CYFIP2: variants seen among roughly 807,000 people sequenced by gnomAD.
CYFIP2 encodes the protein cytoplasmic FMR1-interacting protein 2.
Under a neutral mutation model 158.7 loss-of-function variants are expected in CYFIP2, and 29 were observed. The ratio of observed to expected loss-of-function variants is 0.18; its 90% CI spans 0.14 to 0.25. The LOEUF (loss-of-function observed/expected upper bound fraction) is 0.25, where lower values mean the gene tolerates loss of function less well. CYFIP2 is among the 10% of genes least tolerant of loss of function. The probability of loss-of-function intolerance (pLI) is 1.00; values close to 1 mark genes in which losing one functional copy is unlikely to be tolerated. For missense variants in CYFIP2, 852 were observed against 1,639.5 expected (o/e 0.52, Z 8.29); for synonymous variants, 585 against 617.6 (o/e 0.95, Z 0.78).
intron 26 of CYFIP2, chr5:157,377,083 C>A (rs1339424397): frequency 6.4e-6 from 2 of 313,286 alleles, no homozygotes; most frequent in Non-Finnish European, 1.3e-5. Context: ...ATCTCCTTTG[C>A]CGCTACTCCT....
At chr5:157,329,626 A>G (rs764309792) in intron 19 of CYFIP2, among the ~76,000 whole-genome samples, 2 of 152,222 alleles carry the variant, frequency 1.3e-5, no homozygotes, top group Admixed American at 6.5e-5. Context: ...TAATTTTAAT[A>G]ATATATTTTA....
chr5:157,286,988 A>G (rs2113848213), intron 2 of CYFIP2, 31 bp from the exon 3 acceptor site: 1 of 1,595,770 alleles, frequency 6.3e-7, no homozygotes, highest in Non-Finnish European at 8.6e-7. Context: ...TTTTCTAACA[A>G]CCAAAATGTT....
At chr5:157,300,456 A>C (rs1370385328) in intron 5 of CYFIP2, among the ~76,000 whole-genome samples, 1 of 151,112 alleles carries the variant, frequency 6.6e-6, no homozygotes, top group Non-Finnish European at 1.5e-5. Context: ...AATTGCTTGA[A>C]CCTGGGAAGT....
At chr5:157,348,514 T>G (rs1008005252) in intron 23 of CYFIP2, among the ~76,000 whole-genome samples, 3 of 152,098 alleles carry the variant, frequency 2.0e-5, no homozygotes, top group Admixed American at 2.0e-4. Flanking sequence ...CGGGTTCCAG[T>G]GATTCTCCTG....
chr5:157,333,182 T>G, intron 20 of CYFIP2, 145 bp from the exon 21 acceptor site: 1 of 959,150 alleles, frequency 1.0e-6, no homozygotes. Flanking sequence ...ATGGACAGGC[T>G]GGTTGGAGTT....
intron 26 of CYFIP2, chr5:157,379,932 C>T (rs961914220): frequency 4.0e-5 from 6 of 151,894 alleles, no homozygotes; most frequent in African/African-American, 1.2e-4. Context: ...CTTGAGCATT[C>T]GGGAATCAGA....
intron 16 of CYFIP2, 37 bp from the exon 17 acceptor site, chr5:157,325,444 CT>C: frequency 1.3e-6 from 2 of 1,563,708 alleles, no homozygotes; most frequent in Non-Finnish European, 1.7e-6. Flanking sequence ...TCTTTTAGTT[CT>C]AAAAGTAACC....
intron 23 of CYFIP2, among the ~76,000 whole-genome samples, chr5:157,353,177 G>A (rs1340397325): frequency 6.6e-6 from 1 of 152,230 alleles, no homozygotes; most frequent in African/African-American, 2.4e-5. Flanking sequence ...GTGGGCGGCT[G>A]TGACGGAATT....
intron 19 of CYFIP2, among the ~76,000 whole-genome samples, chr5:157,329,809 C>G (rs73304159): frequency 0.015 from 2,242 of 152,290 alleles, 79 homozygotes; most frequent in African/African-American, 0.052. Context: ...GTGGCTACTA[C>G]TTTGGACAGT....
At chr5:157,318,571 A>G (rs1760335479) in intron 13 of CYFIP2, among the ~76,000 whole-genome samples, 2 of 152,210 alleles carry the variant, frequency 1.3e-5, no homozygotes, top group African/African-American at 2.4e-5. Context: ...TACCAGTTCT[A>G]TCTAAAAATG....
chr5:157,307,836 A>T lies in CYFIP2; in HGVS notation c.871A>T (p.Asn291Tyr). 6.2e-7 allele frequency: 1 copy of T among 1,607,544 alleles called. No individual in the cohort carries two copies. The highest frequency in any genetic ancestry group is 1.1e-5 in the South Asian group (1 of 89,924). The change falls in exon 9 of 31, where the codon AAT becomes TAT. Residue 291 changes from asparagine to tyrosine, a missense_variant. Around this residue, in one of 8 missense-constraint regions of CYFIP2, gnomAD observed 133 missense variants for 197.1 expected, o/e 0.67. Coordinates refer to ENST00000620254, the MANE Select transcript of CYFIP2 (RefSeq NM_001037333.3). ...CAAACTGGATGCCAAGAAGAGAATT[A>T]ATCTTAGCAAAATTGATAAATTCTT... Reference protein sequence around the residue: ...IYKLDAKKRINLSKIDKFFKQ... With the variant: ...IYKLDAKKRIYLSKIDKFFKQ...
chr5:157,325,844 C>T, intron 17 of CYFIP2: 1 of 581,514 alleles, frequency 1.7e-6, no homozygotes, highest in Non-Finnish European at 2.9e-6. Flanking sequence ...AACTGCCCTT[C>T]CTATGCCTTG....
At chr5:157,317,346 C>A (rs1483807367) in intron 13 of CYFIP2, among the ~76,000 whole-genome samples, 1 of 152,138 alleles carries the variant, frequency 6.6e-6, no homozygotes, top group African/African-American at 2.4e-5. Context: ...AAAGTAGTAA[C>A]CTGCCTGTAC....
intron 3 of CYFIP2, among the ~76,000 whole-genome samples, chr5:157,290,728 C>A (rs760389506): frequency 1.3e-5 from 2 of 152,236 alleles, no homozygotes; most frequent in Non-Finnish European, 2.9e-5. Context: ...AATCTCCCTT[C>A]AGTCAACAGT....
Position 157,291,654 on chromosome 5 carries a change from G to A in CYFIP2, c.208-3129G>A, listed in dbSNP as rs189316377. Reference sequence around the variant, plus strand: ...TGAGGCAGATGACTGCGGGACCCACGGGCTTGATTGGTTCTCCCTGTTCTC... The same window carrying A: ...TGAGGCAGATGACTGCGGGACCCACAGGCTTGATTGGTTCTCCCTGTTCTC... On this transcript the variant is annotated intron_variant, in intron 3 of 30. Coordinates refer to ENST00000620254, the MANE Select transcript of CYFIP2 (RefSeq NM_001037333.3). Among the ~76,000 whole-genome samples, 153 of 152,286 alleles carry A rather than the reference G, an allele frequency of 1.0e-3. 1 individual carries two copies. Among genetic ancestry groups the A allele is most frequent in the Middle Eastern group, 3.4e-3 (1 of 294 alleles).
chr5:157,385,857 A>G (rs1481633632), intron 28 of CYFIP2, among the ~76,000 whole-genome samples: 2 of 151,956 alleles, frequency 1.3e-5, no homozygotes, highest in African/African-American at 4.8e-5. Context: ...TGTTTTCTCT[A>G]TCCCCTTGTT....
intron 4 of CYFIP2, among the ~76,000 whole-genome samples, chr5:157,295,836 C>T (rs766078500): frequency 2.0e-5 from 3 of 152,216 alleles, no homozygotes; most frequent in Non-Finnish European, 2.9e-5. Flanking sequence ...CTTCAGATCC[C>T]ATGTATCCAT....
At chr5:157,273,716 C>T (rs1756303717) in intron 1 of CYFIP2, among the ~76,000 whole-genome samples, 1 of 152,186 alleles carries the variant, frequency 6.6e-6, no homozygotes, top group Non-Finnish European at 1.5e-5. Context: ...ACCCCCAGCT[C>T]TCTTTGTACC....
chr5:157,390,368 C>G (rs7724666), intron 29 of CYFIP2, among the ~76,000 whole-genome samples, 153 bp from the exon 30 acceptor site: 2 of 152,118 alleles, frequency 1.3e-5, no homozygotes, highest in Middle Eastern at 6.8e-3. Context: ...CCCACCCTCA[C>G]AGCTTCCTTT....
Sources: allele counts gnomAD v4.1 joint callset (sites outside exome capture counted in the v4.1 genomes callset), GRCh38; gene constraint gnomAD v4.1.1; regional missense constraint gnomAD v4.1.1; transcripts MANE v1.5; gene names NCBI Gene and HGNC (gene_info 2026-07-23, HGNC 2026-07-21).